The following RTTN variants were observed in gnomAD, a reference collection of about 807,000 sequenced individuals.
The protein encoded by RTTN is rotatin.
A neutral mutation model predicts 269.2 loss-of-function variants in RTTN; 182 were observed. The observed-to-expected ratio is 0.68, with a 90% CI of 0.60 to 0.76. The LOEUF is 0.76. Ranked by LOEUF, RTTN falls within the 30% of genes least tolerant of loss-of-function variation. The pLI, the probability that RTTN is intolerant of heterozygous loss-of-function variation, is 0.00. For synonymous variants in RTTN, 1,006 were observed against 963.5 expected (o/e 1.04, Z -0.82); for missense variants, 2,545 against 2,608.6 (o/e 0.98, Z 0.53).
At chr18:70,100,738 C>A (rs546076265) in intron 28 of RTTN, among the ~76,000 whole-genome samples, 6 of 152,066 alleles carry the variant, frequency 3.9e-5, no homozygotes, top group Non-Finnish European at 7.4e-5. Flanking sequence ...CTTATTATTG[C>A]GAGATACGTC....
chr18:70,110,323 C>T (rs188750435), intron 27 of RTTN, among the ~76,000 whole-genome samples: 27 of 152,036 alleles, frequency 1.8e-4, no homozygotes, highest in East Asian at 1.7e-3. Context: ...GCAAGATCGA[C>T]GCAGAAGGCG....
intron 34 of RTTN, among the ~76,000 whole-genome samples, chr18:70,071,157 G>A (rs1411670205): frequency 6.6e-6 from 1 of 152,104 alleles, no homozygotes; most frequent in Non-Finnish European, 1.5e-5. Context: ...TGCACTCCAT[G>A]GAGTGGGACC....
chr18:70,012,653 T>A (rs1418042354), intron 46 of RTTN, among the ~76,000 whole-genome samples: 4 of 151,332 alleles, frequency 2.6e-5, no homozygotes, highest in African/African-American at 9.7e-5. Flanking sequence ...CAGTGTCTGC[T>A]CACTGGTACT....
Position 70,017,425 on chromosome 18 carries a change from G to T in RTTN, c.6403C>A (p.Pro2135Thr). 6.2e-7 allele frequency: 1 copy of T among 1,613,876 alleles called. No homozygotes were observed. Among genetic ancestry groups the T allele is most frequent in the Non-Finnish European group, 8.5e-7 (1 of 1,179,882 alleles). The change falls in exon 46 of 49, where the codon CCC becomes ACC. Residue 2135 changes from proline (P) to threonine (T), a missense_variant. Transcript: ENST00000640769. ...HNVCFSPANK[P>T]KILANEKVIT... ...AACTTACCATTAGCCAGGATCTTGGGTTTATTTGCAGGACTGAAGCAAACA... is the reference window on the plus strand; with the variant it reads ...AACTTACCATTAGCCAGGATCTTGGTTTTATTTGCAGGACTGAAGCAAACA...
At chr18:70,116,831 A>C (rs1408522933) in intron 26 of RTTN, among the ~76,000 whole-genome samples, 2 of 152,078 alleles carry the variant, frequency 1.3e-5, no homozygotes, top group African/African-American at 4.8e-5. Context: ...AAAGCCAGCC[A>C]AGGAAAATAT....
intron 44 of RTTN, among the ~76,000 whole-genome samples, chr18:70,021,753 C>G (rs117384038): frequency 6.6e-6 from 1 of 152,234 alleles, no homozygotes; most frequent in Non-Finnish European, 1.5e-5. Context: ...TGGAGACAAC[C>G]TGAGTTGGGT....
At chr18:70,044,737 G>A (rs2057444760) in intron 40 of RTTN, among the ~76,000 whole-genome samples, 1 of 152,134 alleles carries the variant, frequency 6.6e-6, no homozygotes, top group African/African-American at 2.4e-5. Context: ...TGATAACCAA[G>A]ATTGCTATAC....
intron 23 of RTTN, chr18:70,131,867 T>C (rs937525439): frequency 6.6e-6 from 1 of 151,414 alleles, no homozygotes. Flanking sequence ...TTATAGTAAA[T>C]GTAAAATGCA....
intron 10 of RTTN, among the ~76,000 whole-genome samples, chr18:70,187,497 A>G (rs552327696): frequency 6.6e-6 from 1 of 152,300 alleles, no homozygotes; most frequent in East Asian, 1.9e-4. Context: ...AGAAAAAACA[A>G]TTCCCAATAG....
chr18:70,139,911 A>G, intron 20 of RTTN, 189 bp downstream of exon 20: 1 of 620,568 alleles, frequency 1.6e-6, no homozygotes, highest in Non-Finnish European at 2.8e-6. Flanking sequence ...TATCTTATGG[A>G]AATTTTAGGA....
Position 70,054,284 on chromosome 18 carries a change from C to T in RTTN, c.5032G>A (p.Val1678Ile), listed in dbSNP as rs760864208. 6.2e-6 allele frequency: 10 copies of T among 1,606,940 alleles called. No individual in the cohort carries two copies. The highest frequency in any genetic ancestry group is 8.5e-6 in the Non-Finnish European group (10 of 1,176,614). Reference protein sequence around the residue: ...SPPAEHTQAQVSFLLEYLSSL... With the variant: ...SPPAEHTQAQISFLLEYLSSL... ...GATAGGTATTCCAGGAGAAAGGAAA[C>T]CTGTTTGAAAAGGAGACAGGGTCAA... The change falls in exon 38 of 49, where the codon GTT becomes ATT. Residue 1678 changes from valine (V) to isoleucine (I), a missense_variant and splice_region_variant. By Grantham distance (29) the Val-to-Ile change is conservative. Transcript: ENST00000640769.
At chr18:70,204,003 T>C in intron 3 of RTTN, 83 bp downstream of exon 3, 5 of 1,140,772 alleles carry the variant, frequency 4.4e-6, no homozygotes, top group Non-Finnish European at 6.2e-6. Context: ...GAGAAATCCT[T>C]TTTAAAAAAA....
intron 23 of RTTN, chr18:70,130,740 T>C (rs758304243): frequency 2.0e-5 from 3 of 151,676 alleles, no homozygotes; most frequent in Non-Finnish European, 2.9e-5. Flanking sequence ...AGGGTAAAAA[T>C]AGTTAACAGT....
At chr18:70,098,581 ATAAC>A (rs1385088036) in intron 28 of RTTN, among the ~76,000 whole-genome samples, 10 of 152,276 alleles carry the variant, frequency 6.6e-5, no homozygotes, top group Middle Eastern at 6.8e-3. Context: ...ACAGCAGAAA[ATAAC>A]TAATTAGTAT....
chr18:70,125,218 T>C (rs2059834802), intron 25 of RTTN, among the ~76,000 whole-genome samples: 1 of 152,048 alleles, frequency 6.6e-6, no homozygotes, highest in Admixed American at 6.6e-5. Context: ...TTAATAGTGA[T>C]AAATAGTCAT....
chr18:70,167,059 A>G (rs777649641), intron 12 of RTTN, 28 bp from the exon 13 acceptor site: 1 of 1,442,936 alleles, frequency 6.9e-7, no homozygotes, highest in Non-Finnish European at 9.7e-7. Context: ...TGGAACAATA[A>G]ATGTCAAGTT....
intron 18 of RTTN, 113 bp downstream of exon 18, chr18:70,145,499 C>G (rs1253682826): frequency 1.4e-6 from 1 of 739,388 alleles, no homozygotes; most frequent in East Asian, 2.9e-5. Flanking sequence ...CCTGAATCCC[C>G]ATACTTCTCT....
intron 25 of RTTN, among the ~76,000 whole-genome samples, chr18:70,125,620 T>G (rs998336539): frequency 5.3e-5 from 8 of 152,092 alleles, no homozygotes; most frequent in Non-Finnish European, 1.5e-5. Flanking sequence ...TTGTCTAGAA[T>G]GATATAATTT....
chr18:70,024,215 T>A (rs1444634475), intron 44 of RTTN, among the ~76,000 whole-genome samples: 1 of 152,118 alleles, frequency 6.6e-6, no homozygotes, highest in Non-Finnish European at 1.5e-5. Flanking sequence ...TGTCCTCCTA[T>A]CTCATTTCAG....
Sources: allele counts gnomAD v4.1 joint callset (sites outside exome capture counted in the v4.1 genomes callset), GRCh38; gene constraint gnomAD v4.1.1; transcripts MANE v1.5; gene names NCBI Gene and HGNC (gene_info 2026-07-23, HGNC 2026-07-21).